The following DST variants were observed in gnomAD, a reference collection of about 807,000 sequenced individuals.
The protein encoded by DST is dystonin, also known as bullous pemphigoid antigen.
A neutral mutation model predicts 875.2 loss-of-function variants in DST; 253 were observed. The ratio of observed to expected loss-of-function variants is 0.29; its 90% CI spans 0.26 to 0.32. The LOEUF (loss-of-function observed/expected upper bound fraction) is 0.32. Ranked by LOEUF, DST falls within the 10% of genes least tolerant of loss-of-function variation. The pLI is 1.00. For synonymous variants in DST, 3,124 were observed against 3,197.1 expected, an observed-to-expected ratio of 0.98 and a Z score of 0.77; for missense variants, 8,287 against 9,111.6, an observed-to-expected ratio of 0.91 and a Z score of 3.68.
In DST at chr6:56,636,672, C is replaced by T. The variant is rs778547907; in HGVS notation, c.2965-20G>A. 6 of 1,593,382 alleles carry T rather than the reference C, an allele frequency of 3.8e-6. No individual in the cohort carries two copies. Among genetic ancestry groups the T allele is most frequent in the Non-Finnish European group, 2.6e-6 (3 of 1,162,538 alleles). ...GTAGGCCTTAAAGATAAAACAGAGCCATCATAACTGACTGGGGAGAAATAA... is the reference window on the plus strand; with the variant it reads ...GTAGGCCTTAAAGATAAAACAGAGCTATCATAACTGACTGGGGAGAAATAA... On this transcript the variant is annotated intron_variant, in intron 22 of 103. Transcript: ENST00000680361.
chr6:56,555,272 C>T, intron 60 of DST, 73 bp downstream of exon 60: 3 of 1,481,526 alleles, frequency 2.0e-6, no homozygotes, highest in Non-Finnish European at 2.7e-6. Context: ...GGATTATTGG[C>T]AACATCTTGG....
chr6:56,932,833 A>C (rs1443624871), intron 2 of DST, among the ~76,000 whole-genome samples: 1 of 151,246 alleles, frequency 6.6e-6, no homozygotes, highest in East Asian at 1.9e-4. Context: ...CAAGCATAGA[A>C]ATAATAGAAA....
chr6:56,578,971 C>G, intron 49 of DST, 34 bp from the exon 50 acceptor site: 1 of 1,518,622 alleles, frequency 6.6e-7, no homozygotes, highest in Non-Finnish European at 8.9e-7. Context: ...TTATACTCAG[C>G]AGGACTAAAT....
chr6:56,543,123 TC>T (rs1461974034), intron 61 of DST, among the ~76,000 whole-genome samples: 6 of 152,094 alleles, frequency 3.9e-5, no homozygotes, highest in Non-Finnish European at 7.4e-5. Flanking sequence ...CACCGGGAGA[TC>T]CGCGAAGAAA....
At chr6:56,886,597 G>A (rs1476469098) in intron 3 of DST, among the ~76,000 whole-genome samples, 3 of 152,094 alleles carry the variant, frequency 2.0e-5, no homozygotes, top group Admixed American at 6.5e-5. Flanking sequence ...CCAACATGGA[G>A]AAACCCCGTC....
At chr6:56,767,793 C>T (rs2099637825) in intron 4 of DST, among the ~76,000 whole-genome samples, 1 of 151,714 alleles carries the variant, frequency 6.6e-6, no homozygotes, top group Admixed American at 6.6e-5. Context: ...TCAGAGAGTC[C>T]CCATTGAGAA....
In DST at chr6:56,628,079, C is replaced by T; in HGVS notation, c.4558G>A (p.Val1520Ile). 1 of 1,613,706 alleles carries T rather than the reference C, an allele frequency of 6.2e-7. No homozygotes were observed. Among genetic ancestry groups the T allele is most frequent in the Non-Finnish European group, 8.5e-7 (1 of 1,179,632 alleles). Residue 1520 changes from valine (V) to isoleucine (I), a missense_variant, in exon 33 of 104, where the codon GTT (valine) becomes ATT (isoleucine). Physicochemically the swap from Val to Ile is conservative, Grantham distance 29 (BLOSUM62 3). Around this residue, in one of 10 missense-constraint regions of DST, gnomAD observed 3,138 missense variants for 3,116.6 expected, o/e 1.01. Transcript: ENST00000680361. ...TGAATCTTTCTCTGAGTAGTTTCAA[C>T]CTGCTGGATCCAATCATCTAAAGGA... ...YHPLDDWIQQ[V>I]ETTQRKIQEN...
At chr6:56,504,567 C>A (rs916012221) in intron 77 of DST, among the ~76,000 whole-genome samples, 2 of 152,086 alleles carry the variant, frequency 1.3e-5, no homozygotes, top group Admixed American at 6.6e-5. Flanking sequence ...TAAGATCCTG[C>A]ACATATAAAT....
intron 3 of DST, among the ~76,000 whole-genome samples, chr6:56,853,688 T>C (rs1254141522): frequency 6.6e-6 from 1 of 152,196 alleles, no homozygotes; most frequent in Non-Finnish European, 1.5e-5. Flanking sequence ...TAAATTTTTT[T>C]AATGGCCTGA....
At chr6:56,491,959 C>T (rs2095761345) in intron 85 of DST, among the ~76,000 whole-genome samples, 1 of 152,148 alleles carries the variant, frequency 6.6e-6, no homozygotes, top group Admixed American at 6.5e-5. Flanking sequence ...TCTTTCTGGG[C>T]CTCAATGATA....
In DST at chr6:56,489,624, A is replaced by T; in HGVS notation, c.20758-15T>A. On this transcript the variant is annotated splice_polypyrimidine_tract_variant and intron_variant, in intron 85 of 103. Coordinates refer to ENST00000680361, the MANE Select transcript of DST (RefSeq NM_001374736.1). ...GCTTCATGGAACTAGAAAGAAATTCACACCTTTGTCTGAAAATTTTTCAAG... is the reference window on the plus strand; with the variant it reads ...GCTTCATGGAACTAGAAAGAAATTCTCACCTTTGTCTGAAAATTTTTCAAG... 6.2e-7 allele frequency: 1 copy of T among 1,604,934 alleles called. No individual in the cohort carries two copies. The highest frequency in any genetic ancestry group is 8.5e-7 in the Non-Finnish European group (1 of 1,176,090).
intron 3 of DST, among the ~76,000 whole-genome samples, chr6:56,869,491 CAAAT>C (rs1332964277): frequency 1.3e-5 from 2 of 151,260 alleles, no homozygotes; most frequent in Non-Finnish European, 2.9e-5. Flanking sequence ...TAGAAACAAA[CAAAT>C]AAAGCCAGGG....
chr6:56,636,704 C>T (rs768289323), intron 22 of DST, 52 bp from the exon 23 acceptor site: 15 of 1,397,456 alleles, frequency 1.1e-5, no homozygotes, highest in Middle Eastern at 1.8e-4. Flanking sequence ...ATAAGGCACA[C>T]ATACCTTTTG....
chr6:56,552,268 G>C lies in DST; in HGVS notation c.16524C>G (p.Leu5508=). 6.2e-7 allele frequency: 1 copy of C among 1,613,934 alleles called. No individual in the cohort carries two copies. The highest frequency in any genetic ancestry group is 8.5e-7 in the Non-Finnish European group (1 of 1,179,866). The change falls in exon 61 of 104, where the codon CTC becomes CTG. Residue 5508 remains leucine (L), a synonymous_variant. Coordinates refer to ENST00000680361, the MANE Select transcript of DST (RefSeq NM_001374736.1). ...YSKLKEFSIL[L]QKAEEHEESQ... The stretch of plus-strand genomic sequence containing the variant: ...ACTCTTCATGTTCTTCGGCTTTCTG[G>C]AGCAGAATAGAAAATTCTTTCAATT...
rs2152560063 is a variant in DST at position 56,555,859 on chromosome 6, A to C, written c.14641-19T>G. 6.8e-7 allele frequency: 1 copy of C among 1,466,936 alleles called. No individual in the cohort carries two copies. The highest frequency in any genetic ancestry group is 1.6e-5 in the South Asian group (1 of 62,108). 90.9% of individuals were successfully genotyped at this position (1,466,936 alleles called of 1,614,324 possible). ...GCAAAATCTAAGGTAACAAGGGTAA[A>C]CAAACGCAAATTATTATATAATTGA... On this transcript the variant is annotated intron_variant, in intron 59 of 103. Transcript: ENST00000680361.
intron 38 of DST, among the ~76,000 whole-genome samples, chr6:56,611,132 A>G (rs1267693714): frequency 6.6e-6 from 1 of 152,172 alleles, no homozygotes; most frequent in Non-Finnish European, 1.5e-5. Context: ...CGAGGCTGCC[A>G]TAGGTCTCAG....
intron 4 of DST, among the ~76,000 whole-genome samples, chr6:56,828,574 G>A (rs1297495253): frequency 6.6e-6 from 1 of 152,148 alleles, no homozygotes; most frequent in Non-Finnish European, 1.5e-5. Flanking sequence ...GCCAGTGAAA[G>A]CAGCTTCTAT....
Position 56,629,486 on chromosome 6 carries a change from C to T in DST, c.4282-43G>A, listed in dbSNP as rs1295152310. ...GTAAAAGTTATAAAAATGTTAACCA[C>T]TCACTGGGTAAATATATTATTTACC... On this transcript the variant is annotated intron_variant, in intron 31 of 103. Transcript: ENST00000680361. 7 of 1,408,474 alleles carry T rather than the reference C, an allele frequency of 5.0e-6. No individual in the cohort carries two copies. In the African/African-American group the frequency reaches 8.5e-5, roughly 17 times the overall value. The allele number at this position is 1,408,474 out of a possible 1,614,324, so 87.2% of individuals were successfully genotyped here. A position where few individuals can be genotyped will look rare whatever the true frequency, so the allele number is the denominator to read the frequency against.
At chr6:56,796,397 T>C (rs2099739796) in intron 4 of DST, among the ~76,000 whole-genome samples, 1 of 152,142 alleles carries the variant, frequency 6.6e-6, no homozygotes, top group Non-Finnish European at 1.5e-5. Flanking sequence ...GGTAACTACA[T>C]TGGGAAGACA....
Sources: gnomAD v4.1 joint callset for allele counts (sites outside exome capture counted in the v4.1 genomes callset) on GRCh38, gnomAD v4.1.1 for gene constraint, gnomAD v4.1.1 regional missense constraint, MANE v1.5 for transcripts, NCBI Gene and HGNC (gene_info 2026-07-23, HGNC 2026-07-21) for gene names.